The following GDAP1 variants were observed in gnomAD, a reference collection of about 807,000 sequenced individuals.
The protein encoded by GDAP1 is ganglioside-induced differentiation-associated protein 1.
Under a neutral mutation model 40.1 loss-of-function variants are expected in GDAP1, and 34 were observed. The observed-to-expected ratio is 0.85, with a 90% confidence interval of 0.64 to 1.13. The LOEUF is 1.13. Ranked by LOEUF, GDAP1 falls within the 50% of genes most tolerant of loss-of-function variation. GDAP1 has a pLI of 0.00. For synonymous variants in GDAP1, 170 were observed against 157.4 expected, an observed-to-expected ratio of 1.08 and a Z score of -0.60; for missense variants, 374 against 433.7, an observed-to-expected ratio of 0.86 and a Z score of 1.22.
intron 2 of GDAP1, among the ~76,000 whole-genome samples, chr8:74,402,888 C>T (rs1810372414): frequency 6.7e-6 from 1 of 149,662 alleles, no homozygotes; most frequent in South Asian, 2.1e-4. Context: ...ATTGATTATT[C>T]TTATTCTTTT....
intron 2 of GDAP1, among the ~76,000 whole-genome samples, chr8:74,431,816 G>A (rs535208960): frequency 1.3e-5 from 2 of 152,192 alleles, no homozygotes; most frequent in East Asian, 1.9e-4. Flanking sequence ...TAAAATAAGC[G>A]TGCTAGTTCT....
In GDAP1 at chr8:74,365,381, T is replaced by C. The variant is rs1282249969; in HGVS notation, c.*1014T>C. 1 of 453,948 alleles carries C rather than the reference T, an allele frequency of 2.2e-6. No homozygotes were observed. Among genetic ancestry groups the C allele is most frequent in the South Asian group, 1.6e-5 (1 of 64,466 alleles). 28.1% of individuals were successfully genotyped at this position (453,948 alleles called of 1,614,324 possible). A position where few individuals can be genotyped will look rare whatever the true frequency, so the allele number is the denominator to read the frequency against. ...ATGGGTAGATAGTGATGCATACCTG[T>C]ATTCACTGATGTATGTTTAAGGGAT... On this transcript the variant is annotated 3_prime_UTR_variant, in exon 6 of 6. Transcript: ENST00000220822.
chr8:74,411,712 T>C (rs1431924893), intron 2 of GDAP1, among the ~76,000 whole-genome samples: 17 of 116,838 alleles, frequency 1.5e-4, no homozygotes, highest in South Asian at 2.7e-4. Flanking sequence ...TGAGATCGTG[T>C]CTCTACCAAA....
intron 2 of GDAP1, among the ~76,000 whole-genome samples, chr8:74,469,328 C>A (rs1227776313): frequency 4.0e-5 from 6 of 151,876 alleles, no homozygotes; most frequent in African/African-American, 1.5e-4. Flanking sequence ...AGTATATATG[C>A]AATTAGAGAT....
rs1268794099 is a variant in GDAP1 at position 74,406,346 on chromosome 8, A to G, written c.165+55025A>G. The stretch of plus-strand genomic sequence containing the variant: ...TCTAGGCTAGCAATGATAAATAAAC[A>G]TTGACTCAGCAACACTGTTTGTTTT... On this transcript the variant is annotated intron_variant, in intron 2 of 2. Transcript: ENST00000523640. 2.0e-5 allele frequency among the ~76,000 whole-genome samples: 3 copies of G among 150,356 alleles called. 1 individual carries two copies. The highest frequency in any genetic ancestry group is 7.6e-5 in the African/African-American group (3 of 39,638).
intron 2 of GDAP1, among the ~76,000 whole-genome samples, chr8:74,420,669 G>C (rs1218804152): frequency 2.0e-5 from 3 of 152,130 alleles, no homozygotes; most frequent in Non-Finnish European, 4.4e-5. Flanking sequence ...CTCTGAAGTA[G>C]TTATTATTAT....
chr8:74,397,965 A>G (rs1349950557), intron 2 of GDAP1, among the ~76,000 whole-genome samples: 1 of 151,708 alleles, frequency 6.6e-6, no homozygotes, highest in South Asian at 2.1e-4. Context: ...CATTTTCACG[A>G]TATTGATTCT....
Position 74,377,588 on chromosome 8 carries a change from C to T in GDAP1, c.165+26267C>T, listed in dbSNP as rs550969499. Among the ~76,000 whole-genome samples the T allele has an allele frequency of 4.6e-5, 7 of 152,292 alleles. No individual in the cohort carries two copies. In the South Asian group the frequency reaches 1.5e-3, roughly 32 times the overall value. On this transcript the variant is annotated intron_variant, in intron 2 of 2. Transcript: ENST00000523640. ...ACCGCAATGAGATACTACTTTATATCTACTAGACTGGGTAAAATTTAAAAG... is the reference window on the plus strand; with the variant it reads ...ACCGCAATGAGATACTACTTTATATTTACTAGACTGGGTAAAATTTAAAAG...
chr8:74,433,744 G>A (rs1218696353), intron 2 of GDAP1, among the ~76,000 whole-genome samples: 1 of 152,184 alleles, frequency 6.6e-6, no homozygotes, highest in Non-Finnish European at 1.5e-5. Context: ...GCCTGGAAGG[G>A]ATGTGCCACA....
At chr8:74,447,254 AT>A (rs919495913) in intron 2 of GDAP1, among the ~76,000 whole-genome samples, 3 of 151,980 alleles carry the variant, frequency 2.0e-5, no homozygotes, top group Admixed American at 6.6e-5. Context: ...TCAATCAATA[AT>A]TTTTTTCCAG....
intron 2 of GDAP1, among the ~76,000 whole-genome samples, chr8:74,428,683 T>A (rs1332535222): frequency 7.8e-6 from 1 of 128,900 alleles, no homozygotes; most frequent in Non-Finnish European, 1.6e-5. Context: ...GGTTTCACCA[T>A]GTTGGCCAGG....
rs1809526843 is a variant in GDAP1, at chr8:74,364,436, T to C, written c.*69T>C. 1 of 1,446,918 alleles carries C rather than the reference T, an allele frequency of 6.9e-7. No homozygotes were observed. The highest frequency in any genetic ancestry group is 9.6e-7 in the Non-Finnish European group (1 of 1,038,176). 89.6% of individuals were successfully genotyped at this position (1,446,918 alleles called of 1,614,324 possible). A position where few individuals can be genotyped will look rare whatever the true frequency, so the allele number is the denominator to read the frequency against. On this transcript the variant is annotated 3_prime_UTR_variant, in exon 6 of 6. Coordinates refer to ENST00000220822, the MANE Select transcript of GDAP1 (RefSeq NM_018972.4). ...TAGACCCTGTGATTGCCCGTGGCTCTCTGAGTCTGTCTTATTGAGTAGTTA... is the reference window on the plus strand; with the variant it reads ...TAGACCCTGTGATTGCCCGTGGCTCCCTGAGTCTGTCTTATTGAGTAGTTA...
At chr8:74,387,775 C>T (rs1375454022) in intron 2 of GDAP1, among the ~76,000 whole-genome samples, 1 of 152,036 alleles carries the variant, frequency 6.6e-6, no homozygotes, top group African/African-American at 2.4e-5. Flanking sequence ...CCTCTTTTTA[C>T]CCCTGGTAGA....
intron 2 of GDAP1, among the ~76,000 whole-genome samples, chr8:74,397,499 T>G (rs887111857): frequency 2.0e-5 from 3 of 152,194 alleles, no homozygotes; most frequent in African/African-American, 4.8e-5. Flanking sequence ...GGTCTAACAT[T>G]TAAGTCTTTA....
chr8:74,446,434 G>A (rs1201993734), intron 2 of GDAP1, among the ~76,000 whole-genome samples: 1 of 152,120 alleles, frequency 6.6e-6, no homozygotes, highest in Admixed American at 6.5e-5. Flanking sequence ...AGGCCAGGGA[G>A]CATGAAGCAT....
chr8:74,473,894 G>T (rs143091575), intron 2 of GDAP1, among the ~76,000 whole-genome samples: 15 of 152,230 alleles, frequency 9.9e-5, no homozygotes, highest in African/African-American at 3.6e-4. Context: ...AATTGTTTAG[G>T]GCAGCATAAC....
chr8:74,357,533 G>A (rs1410650333), intron 2 of GDAP1, among the ~76,000 whole-genome samples: 6 of 152,120 alleles, frequency 3.9e-5, no homozygotes, highest in Admixed American at 3.3e-4. Context: ...GGTTTCCTCT[G>A]CTGTTTATCA....
At chr8:74,435,767 TC>T (rs1198963378) in intron 2 of GDAP1, among the ~76,000 whole-genome samples, 1 of 152,224 alleles carries the variant, frequency 6.6e-6, no homozygotes, top group Non-Finnish European at 1.5e-5. Flanking sequence ...ATATCATAAA[TC>T]AACTCTTTGA....
At chr8:74,371,533 G>A (rs548871890), downstream of GDAP1, among the ~76,000 whole-genome samples, 25 of 151,850 alleles carry the variant, frequency 1.6e-4, no homozygotes, top group East Asian at 1.4e-3. Flanking sequence ...GGTAGCGGGC[G>A]CCTGTAGTCC....
Sources: allele counts gnomAD v4.1 joint callset (sites outside exome capture counted in the v4.1 genomes callset), GRCh38; gene constraint gnomAD v4.1.1; transcripts MANE v1.5; gene names NCBI Gene and HGNC (gene_info 2026-07-23, HGNC 2026-07-21).